The following SHISA9 variants were observed in gnomAD, a reference collection of about 807,000 sequenced individuals.
SHISA9 encodes the protein shisa family member 9, also known as protein shisa-9.
Under a neutral mutation model 38.0 loss-of-function variants are expected in SHISA9, and 13 were observed. That is an observed-to-expected ratio of 0.34 (90% CI 0.22 to 0.54). SHISA9 has a LOEUF of 0.54. Among genes scored for constraint, SHISA9 ranks in the 20% least tolerant of loss-of-function variants. SHISA9 has a pLI of 0.91. For missense variants in SHISA9, 538 were observed against 575.8 expected (o/e 0.93, Z 0.67); for synonymous variants, 275 against 242.0 (o/e 1.14, Z -1.27).
intron 2 of SHISA9, among the ~76,000 whole-genome samples, chr16:13,030,814 T>C (rs1195144269): frequency 6.6e-6 from 1 of 152,124 alleles, no homozygotes; most frequent in African/African-American, 2.4e-5. Context: ...TACAAAAGCA[T>C]TTATAGGAGA....
At chr16:13,454,482 A>G in the SHISA9 span, among the ~76,000 whole-genome samples, 2 of 152,202 alleles carry the variant, frequency 1.3e-5, no homozygotes, top group Non-Finnish European at 2.9e-5. Flanking sequence ...CATGCCAGGA[A>G]TTGTGCAAAT....
At chr16:13,039,582 G>A (rs923288596) in intron 2 of SHISA9, among the ~76,000 whole-genome samples, 2 of 147,704 alleles carry the variant, frequency 1.4e-5, no homozygotes, top group African/African-American at 2.5e-5. Context: ...TATAATATAA[G>A]CCCTTATTAC....
intron 2 of SHISA9, among the ~76,000 whole-genome samples, chr16:12,963,149 G>T (rs982866533): frequency 6.6e-6 from 1 of 152,214 alleles, no homozygotes; most frequent in East Asian, 1.9e-4. Flanking sequence ...AGGAGCCTGG[G>T]TGTAGGCACT....
At chr16:13,409,724 A>G in the SHISA9 span, among the ~76,000 whole-genome samples, 9 of 152,214 alleles carry the variant, frequency 5.9e-5, no homozygotes, top group Non-Finnish European at 8.8e-5. Flanking sequence ...TGCAGCACCA[A>G]CTATCAGGAG....
chr16:13,019,763 CTTTT>C (rs1294117391), intron 2 of SHISA9, among the ~76,000 whole-genome samples: 2 of 138,798 alleles, frequency 1.4e-5, no homozygotes, highest in African/African-American at 5.2e-5. Flanking sequence ...TCTTTTCTTT[CTTTT>C]CTTTCTTTCT....
At chr16:13,359,283 C>T in the SHISA9 span, among the ~76,000 whole-genome samples, 2 of 151,734 alleles carry the variant, frequency 1.3e-5, no homozygotes, top group Admixed American at 1.3e-4. Context: ...GAGTTCAAAA[C>T]CAGCTTGGCT....
intron 2 of SHISA9, among the ~76,000 whole-genome samples, chr16:13,035,931 A>C (rs970802253): frequency 6.6e-6 from 1 of 152,230 alleles, no homozygotes; most frequent in East Asian, 1.9e-4. Flanking sequence ...TCATCAGGGA[A>C]ATGCAAATTA....
chr16:13,278,154 T>G, the SHISA9 span, among the ~76,000 whole-genome samples: 1 of 152,178 alleles, frequency 6.6e-6, no homozygotes, highest in Non-Finnish European at 1.5e-5. Flanking sequence ...GAATGCTTTT[T>G]CTGCATCTAT....
chr16:13,561,219 A>G, the SHISA9 span, among the ~76,000 whole-genome samples: 52 of 152,120 alleles, frequency 3.4e-4, 1 homozygote, highest in African/African-American at 1.2e-3. Flanking sequence ...TGTGCACTCA[A>G]TGAACCCTTT....
chr16:13,282,891 G>T, the SHISA9 span, among the ~76,000 whole-genome samples: 1 of 151,940 alleles, frequency 6.6e-6, no homozygotes, highest in Admixed American at 6.6e-5. Flanking sequence ...CACTCATTAA[G>T]ATTACATTTT....
intron 2 of SHISA9, among the ~76,000 whole-genome samples, chr16:13,118,405 C>G (rs996372741): frequency 6.6e-6 from 1 of 152,092 alleles, no homozygotes; most frequent in Admixed American, 6.5e-5. Flanking sequence ...GAGAACAGGA[C>G]ATTTTATTAG....
At chr16:13,504,462 C>T in the SHISA9 span, among the ~76,000 whole-genome samples, 4 of 151,960 alleles carry the variant, frequency 2.6e-5, no homozygotes, top group Non-Finnish European at 5.9e-5. Context: ...GAAGCCAAAG[C>T]CAAAAATAAT....
chr16:13,290,517 G>C, the SHISA9 span, among the ~76,000 whole-genome samples: 2 of 152,102 alleles, frequency 1.3e-5, no homozygotes, highest in African/African-American at 4.8e-5. Flanking sequence ...ATTAAGTAGT[G>C]ATGAGTTTGT....
the SHISA9 span, among the ~76,000 whole-genome samples, chr16:13,530,675 C>T: frequency 2.0e-5 from 3 of 152,130 alleles, no homozygotes; most frequent in South Asian, 4.2e-4. Flanking sequence ...TGTTTTTGCC[C>T]CCCCAGAACC....
the SHISA9 span, among the ~76,000 whole-genome samples, chr16:13,397,116 C>G: frequency 0.043 from 6,531 of 152,284 alleles, 225 homozygotes; most frequent in East Asian, 0.2. Context: ...TTTATTTTCT[C>G]CAGCTTAAAT....
chr16:13,191,334 G>C (rs1477008642), intron 2 of SHISA9, among the ~76,000 whole-genome samples: 2 of 152,174 alleles, frequency 1.3e-5, no homozygotes, highest in Non-Finnish European at 2.9e-5. Context: ...GAACAATCTA[G>C]ACTATGTCCA....
chr16:13,220,398 A>G (rs566748662), intron 4 of SHISA9, among the ~76,000 whole-genome samples: 92 of 152,232 alleles, frequency 6.0e-4, no homozygotes, highest in Non-Finnish European at 1.1e-3. Context: ...TGTATGTCTC[A>G]TGTCTGCTAA....
chr16:13,092,237 C>T (rs948777826), intron 2 of SHISA9, among the ~76,000 whole-genome samples: 6 of 152,194 alleles, frequency 3.9e-5, no homozygotes, highest in African/African-American at 1.4e-4. Context: ...TGTCTGTTGG[C>T]CCCTGCTGGG....
At chr16:13,000,451 T>C (rs2072509603) in intron 2 of SHISA9, among the ~76,000 whole-genome samples, 1 of 152,222 alleles carries the variant, frequency 6.6e-6, no homozygotes, top group African/African-American at 2.4e-5. Flanking sequence ...TCTCAGAGTT[T>C]GTTCCACCTT....
Sources: gnomAD v4.1 joint callset for allele counts (sites outside exome capture counted in the v4.1 genomes callset) on GRCh38, gnomAD v4.1.1 for gene constraint, MANE v1.5 for transcripts, NCBI Gene and HGNC (gene_info 2026-07-23, HGNC 2026-07-21) for gene names.